Variants in WASHC3 observed in about 807,000 individuals in gnomAD.
The protein encoded by WASHC3 is WASH complex subunit CCDC53.
A neutral mutation model predicts 26.1 loss-of-function variants in WASHC3; 24 were observed. The ratio of observed to expected loss-of-function variants is 0.92; its 90% CI spans 0.66 to 1.29. The LOEUF is 1.29. WASHC3 is among the 50% of genes most tolerant of loss of function. The probability of loss-of-function intolerance (pLI) is 0.00; values close to 1 mark genes in which losing one functional copy is unlikely to be tolerated. For synonymous variants in WASHC3, 77 were observed against 75.7 expected (o/e 1.02, Z -0.09); for missense variants, 214 against 229.6 (o/e 0.93, Z 0.44).
At chr12:102,059,863 T>C (rs139134363) in intron 2 of WASHC3, 1 of 152,302 alleles carries the variant, frequency 6.6e-6, no homozygotes, top group African/African-American at 2.4e-5. Flanking sequence ...TCCTAAATTA[T>C]TTAGAGAGAT....
chr12:102,028,334 CA>C (rs1157609097), intron 5 of WASHC3, among the ~76,000 whole-genome samples: 1 of 151,906 alleles, frequency 6.6e-6, no homozygotes, highest in African/African-American at 2.4e-5. Context: ...TTTAGGATAA[CA>C]GGGGGTAAGT....
intron 6 of WASHC3, among the ~76,000 whole-genome samples, chr12:102,020,501 T>C (rs1012257220): frequency 1.3e-5 from 2 of 152,202 alleles, no homozygotes; most frequent in African/African-American, 4.8e-5. Context: ...AGATTTATAT[T>C]TGTGTTTAAA....
intron 6 of WASHC3, chr12:102,017,791 CTTTT>C (rs1256602177): frequency 2.1e-5 from 9 of 434,856 alleles, no homozygotes; most frequent in Admixed American, 1.3e-4. Context: ...TCATTTTTTT[CTTTT>C]TTTAATTTTT....
In WASHC3 at chr12:102,012,968, A is replaced by AT. The variant is rs567892484; in HGVS notation, c.*139dup. 1.1e-3 allele frequency: 542 copies of AT among 506,980 alleles called. 4 individuals are homozygous for AT. Among genetic ancestry groups the AT allele is most frequent in the African/African-American group, 9.7e-3 (491 of 50,482 alleles). The allele number at this position is 506,980 out of a possible 1,614,324, so 31.4% of individuals were successfully genotyped here. On this transcript the variant is annotated 3_prime_UTR_variant, in exon 7 of 7. Transcript: ENST00000240079. ...GGCAGGTTAAAACTGCTTTATTATT[A>AT]TTTTTTTAACATAGAAGAAGCTTGG...
At position 102,044,154 on chromosome 12, in the gene WASHC3, G is replaced by C; in HGVS notation, c.275C>G (p.Thr92Ser). The C allele has an allele frequency of 6.2e-7, 1 of 1,610,628 alleles. No individual in the cohort carries two copies. Among genetic ancestry groups the C allele is most frequent in the Non-Finnish European group, 8.5e-7 (1 of 1,178,170 alleles). Residue 92 changes from threonine (T) to serine (S), a missense_variant, in exon 4 of 7, where the codon ACC becomes AGC. Thr to Ser is a moderately conservative substitution (Grantham distance 58). Transcript: ENST00000240079. Reference protein sequence around the residue: ...VTVEVSPLNVTSVTNGAHPEA... With the variant: ...VTVEVSPLNVSSVTNGAHPEA... The stretch of plus-strand genomic sequence containing the variant: ...AGGATGTGCTCCATTTGTGACACTG[G>C]TGACATTTAAAGGAGATACTTCAAC...
chr12:102,023,354 C>T (rs1468636592), intron 6 of WASHC3, among the ~76,000 whole-genome samples: 4 of 152,026 alleles, frequency 2.6e-5, no homozygotes, highest in East Asian at 1.9e-4. Flanking sequence ...TTTCTTCCAA[C>T]AGTTATATGA....
chr12:102,025,804 TATG>T (rs1369938856), intron 6 of WASHC3, 167 bp downstream of exon 6: 6 of 565,348 alleles, frequency 1.1e-5, no homozygotes, highest in Non-Finnish European at 1.8e-5. Flanking sequence ...CTTAGTAGAA[TATG>T]ATATTTTTCT....
rs1369840036 is a variant in WASHC3, at chr12:102,024,749, G to A, written c.500+1225C>T. Among the ~76,000 whole-genome samples the A allele has an allele frequency of 2.6e-5, 4 of 152,152 alleles. No individual in the cohort carries two copies. In the East Asian group the frequency reaches 5.8e-4, roughly 22 times the overall value. ...GAGGTCTAACTGTGTATTTCCAGAA[G>A]CAAAAGGAGGTCACAGTTAATGTTA... On this transcript the variant is annotated intron_variant, in intron 6 of 6. Transcript: ENST00000240079.
chr12:102,042,393 C>T (rs935473998), intron 4 of WASHC3, among the ~76,000 whole-genome samples: 6 of 152,084 alleles, frequency 3.9e-5, no homozygotes, highest in Non-Finnish European at 8.8e-5. Context: ...CCTCATACCA[C>T]GCATCCTCAA....
At chr12:102,034,115 G>C (rs1459614022) in intron 5 of WASHC3, among the ~76,000 whole-genome samples, 3 of 152,010 alleles carry the variant, frequency 2.0e-5, no homozygotes, top group African/African-American at 7.2e-5. Context: ...CTGGGGTTAG[G>C]CTCCTCCTTA....
intron 5 of WASHC3, among the ~76,000 whole-genome samples, chr12:102,030,765 A>G (rs1380630058): frequency 6.6e-6 from 1 of 152,216 alleles, no homozygotes; most frequent in Non-Finnish European, 1.5e-5. Context: ...AGGCATATAT[A>G]GTATTACCAA....
intron 5 of WASHC3, among the ~76,000 whole-genome samples, chr12:102,028,631 T>C (rs1000184166): frequency 2.0e-5 from 3 of 150,690 alleles, no homozygotes; most frequent in South Asian, 2.1e-4. Flanking sequence ...GCAAAGAAAG[T>C]GTATGTTGGG....
intron 3 of WASHC3, 35 bp from the exon 4 acceptor site, chr12:102,044,247 T>G: frequency 9.2e-7 from 1 of 1,085,782 alleles, no homozygotes; most frequent in South Asian, 1.4e-5. Flanking sequence ...AATATGAAGA[T>G]AGTACTTGCA....
At chr12:102,016,543 GA>G (rs1021083236) in intron 6 of WASHC3, among the ~76,000 whole-genome samples, 2 of 151,684 alleles carry the variant, frequency 1.3e-5, no homozygotes, top group African/African-American at 2.4e-5. Flanking sequence ...CTTACTTTTT[GA>G]AAAAAAAGTT....
chr12:102,040,969 T>C (rs1244839356), intron 4 of WASHC3, among the ~76,000 whole-genome samples: 1 of 151,922 alleles, frequency 6.6e-6, no homozygotes, highest in Non-Finnish European at 1.5e-5. Context: ...TGAATGTGAA[T>C]TACATATTGA....
intron 6 of WASHC3, among the ~76,000 whole-genome samples, chr12:102,024,824 C>T (rs1020986713): frequency 1.3e-5 from 2 of 152,106 alleles, no homozygotes; most frequent in Non-Finnish European, 2.9e-5. Context: ...TGGATTGAAC[C>T]TATATGTCTG....
intron 3 of WASHC3, among the ~76,000 whole-genome samples, chr12:102,044,910 A>G (rs920236486): frequency 5.9e-5 from 9 of 152,166 alleles, no homozygotes; most frequent in Non-Finnish European, 8.8e-5. Context: ...TCCTGATATC[A>G]ATGACACGCA....
chr12:102,057,863 C>A (rs1363236244), intron 2 of WASHC3, among the ~76,000 whole-genome samples: 1 of 151,952 alleles, frequency 6.6e-6, no homozygotes, highest in African/African-American at 2.4e-5. Flanking sequence ...TCAATGCAAT[C>A]CCTATCAATT....
At chr12:102,060,824 G>A (rs1229267422) in intron 2 of WASHC3, among the ~76,000 whole-genome samples, 2 of 151,564 alleles carry the variant, frequency 1.3e-5, no homozygotes, top group African/African-American at 2.4e-5. Flanking sequence ...GCATGGTGGC[G>A]CATGCCTGTA....
Sources: allele counts gnomAD v4.1 joint callset (sites outside exome capture counted in the v4.1 genomes callset), GRCh38; gene constraint gnomAD v4.1.1; transcripts MANE v1.5; gene names NCBI Gene and HGNC (gene_info 2026-07-23, HGNC 2026-07-21).